The following POU6F2 variants were observed in gnomAD, a reference collection of about 807,000 sequenced individuals.
POU6F2 encodes POU domain, class 6, transcription factor 2.
A neutral mutation model predicts 71.3 loss-of-function variants in POU6F2; 31 were observed. That is an observed-to-expected ratio of 0.43 (90% CI 0.33 to 0.59). POU6F2 has a LOEUF of 0.59. POU6F2 is among the 20% of genes least tolerant of loss of function. The pLI, the probability that POU6F2 is intolerant of heterozygous loss-of-function variation, is 0.04. For missense variants in POU6F2, 783 were observed against 856.8 expected (o/e 0.91, Z 1.07); for synonymous variants, 347 against 355.7 (o/e 0.98, Z 0.27).
chr7:39,360,746 G>C (rs1417917964), intron 5 of POU6F2, among the ~76,000 whole-genome samples: 2 of 152,228 alleles, frequency 1.3e-5, no homozygotes, highest in Admixed American at 6.5e-5. Flanking sequence ...ATTTCTTGAT[G>C]ATATGCTAAA....
chr7:39,350,424 T>G (rs1338089424), intron 5 of POU6F2, among the ~76,000 whole-genome samples: 4 of 152,070 alleles, frequency 2.6e-5, no homozygotes, highest in African/African-American at 7.2e-5. Flanking sequence ...TTTTTTGGGG[T>G]TTTTTTAATT....
chr7:39,112,316 A>C (rs1302819241), intron 2 of POU6F2, among the ~76,000 whole-genome samples: 1 of 152,242 alleles, frequency 6.6e-6, no homozygotes, highest in East Asian at 1.9e-4. Context: ...CATTGGAACA[A>C]ATACCCTTAC....
rs574473008 is a variant in POU6F2, at chr7:39,094,409, CCTTTT to C, written c.277+8384_277+8388del. ...CATATATCACAATATAAATATTTAT[CCTTTT>C]CTTTTTTTAAGTCAAAGGCATTTTA... On this transcript the variant is annotated intron_variant, in intron 2 of 9. Coordinates refer to ENST00000518318, the MANE Select transcript of POU6F2 (RefSeq NM_001370959.1). Among the ~76,000 whole-genome samples the C allele has an allele frequency of 8.6e-5, 13 of 151,890 alleles. 1 individual carries two copies. Among genetic ancestry groups the C allele is most frequent in the South Asian group, 8.3e-4 (4 of 4,808 alleles).
intron 4 of POU6F2, among the ~76,000 whole-genome samples, chr7:39,232,077 A>G (rs1460136514): frequency 6.6e-6 from 1 of 152,254 alleles, no homozygotes; most frequent in Non-Finnish European, 1.5e-5. Flanking sequence ...TAGATAGAAA[A>G]GTCAAAGTAT....
chr7:39,124,625 T>C (rs948067361), intron 2 of POU6F2, among the ~76,000 whole-genome samples: 1 of 152,122 alleles, frequency 6.6e-6, no homozygotes. Flanking sequence ...CCTCCTTTCA[T>C]AGAAGCAGAT....
intron 4 of POU6F2, among the ~76,000 whole-genome samples, chr7:39,292,485 A>G (rs1384476704): frequency 1.3e-5 from 2 of 152,216 alleles, no homozygotes; most frequent in African/African-American, 4.8e-5. Flanking sequence ...CCACCAACAG[A>G]GCGTAAATCA....
intron 1 of POU6F2, among the ~76,000 whole-genome samples, chr7:39,006,079 G>A (rs971812682): frequency 3.9e-5 from 6 of 152,166 alleles, no homozygotes; most frequent in African/African-American, 9.7e-5. Context: ...GACATGATAA[G>A]GGGTAAGGGG....
chr7:39,304,056 G>A (rs971797156), intron 4 of POU6F2, among the ~76,000 whole-genome samples: 2 of 152,008 alleles, frequency 1.3e-5, no homozygotes, highest in Non-Finnish European at 2.9e-5. Context: ...ATGGGATTAG[G>A]TGTTTCTAGA....
Position 39,406,636 on chromosome 7 carries a change from G to C in POU6F2, c.1009G>C (p.Ala337Pro). The change falls in exon 6 of 10, where the codon GCT becomes CCT. Residue 337 changes from alanine (A) to proline (P), a missense_variant. Around this residue, in one of 2 missense-constraint regions of POU6F2, gnomAD observed 572 missense variants for 572.9 expected, o/e 1.00. Transcript: ENST00000518318. ...TCCACTAGCAAGTCAGGCTGCAGCG[G>C]CTGCAGCAGCCATGAGCTCCATAGC... ...NNPLASQAAAAAAAMSSIASS... is the reference protein window; with the variant it reads ...NNPLASQAAAPAAAMSSIASS... 2.5e-6 allele frequency: 4 copies of C among 1,613,352 alleles called. No individual in the cohort carries two copies. The highest frequency in any genetic ancestry group is 3.4e-6 in the Non-Finnish European group (4 of 1,179,816).
At chr7:39,425,475 G>C (rs1787947842) in intron 6 of POU6F2, among the ~76,000 whole-genome samples, 1 of 152,120 alleles carries the variant, frequency 6.6e-6, no homozygotes. Flanking sequence ...TATTGTCCCT[G>C]TTGGTAGGAA....
At chr7:39,421,266 A>G (rs549009882) in intron 6 of POU6F2, among the ~76,000 whole-genome samples, 4 of 152,208 alleles carry the variant, frequency 2.6e-5, no homozygotes, top group Non-Finnish European at 5.9e-5. Flanking sequence ...AAATTGAAAA[A>G]GTAATATATG....
intron 4 of POU6F2, among the ~76,000 whole-genome samples, chr7:39,221,058 A>AT (rs1794345150): frequency 6.6e-6 from 1 of 152,134 alleles, no homozygotes; most frequent in Non-Finnish European, 1.5e-5. Context: ...TCAGCTTTAA[A>AT]TTTTTTTAAA....
chr7:39,109,913 A>T (rs1255143481), intron 2 of POU6F2, among the ~76,000 whole-genome samples: 1 of 152,226 alleles, frequency 6.6e-6, no homozygotes, highest in East Asian at 1.9e-4. Context: ...CTTGTGAGAG[A>T]TAATTGCTAT....
chr7:39,114,509 C>T (rs777315040), intron 2 of POU6F2, among the ~76,000 whole-genome samples: 4 of 152,090 alleles, frequency 2.6e-5, no homozygotes, highest in South Asian at 2.1e-4. Context: ...AATAAGGTCA[C>T]ATGTGGGGAA....
chr7:39,242,691 A>G (rs1783749928), intron 4 of POU6F2, among the ~76,000 whole-genome samples: 1 of 152,098 alleles, frequency 6.6e-6, no homozygotes, highest in Admixed American at 6.6e-5. Context: ...ATAATTACAT[A>G]CCATATTTGT....
At chr7:39,208,345 T>A (rs912757089) in intron 4 of POU6F2, among the ~76,000 whole-genome samples, 1 of 152,190 alleles carries the variant, frequency 6.6e-6, no homozygotes, top group Non-Finnish European at 1.5e-5. Flanking sequence ...GAAAATGACC[T>A]GAATATAAAT....
chr7:39,177,002 C>A (rs999714912), intron 2 of POU6F2, among the ~76,000 whole-genome samples: 1 of 152,202 alleles, frequency 6.6e-6, no homozygotes, highest in Non-Finnish European at 1.5e-5. Context: ...ACTCTTCAAC[C>A]AGCCTATTCC....
intron 2 of POU6F2, among the ~76,000 whole-genome samples, chr7:39,181,454 A>T (rs1222330796): frequency 6.6e-6 from 1 of 152,174 alleles, no homozygotes. Flanking sequence ...ATCATCTCTC[A>T]GTGCTATCTT....
chr7:39,238,090 A>G (rs1305799129), intron 4 of POU6F2, among the ~76,000 whole-genome samples: 1 of 152,156 alleles, frequency 6.6e-6, no homozygotes, highest in Non-Finnish European at 1.5e-5. Flanking sequence ...TCAGGGGGGT[A>G]TAAATACTCT....
Sources: gnomAD v4.1 joint callset for allele counts (sites outside exome capture counted in the v4.1 genomes callset) on GRCh38, gnomAD v4.1.1 for gene constraint, gnomAD v4.1.1 regional missense constraint, MANE v1.5 for transcripts, NCBI Gene and HGNC (gene_info 2026-07-23, HGNC 2026-07-21) for gene names.